FBXL7: variants seen among roughly 807,000 people sequenced by gnomAD.
FBXL7 encodes the protein F-box and leucine rich repeat protein 7.
FBXL7 carries 12 observed loss-of-function variants against 38.3 expected under a neutral mutation model. The ratio of observed to expected loss-of-function variants is 0.31; its 90% CI spans 0.20 to 0.51. The LOEUF (loss-of-function observed/expected upper bound fraction) is 0.51. Among genes scored for constraint, FBXL7 ranks in the 20% least tolerant of loss-of-function variants. The pLI is 0.98. For synonymous variants in FBXL7, 297 were observed against 300.9 expected (o/e 0.99, Z 0.13); for missense variants, 567 against 676.4 (o/e 0.84, Z 1.79).
At chr5:15,646,192 T>C (rs1741529059) in intron 2 of FBXL7, among the ~76,000 whole-genome samples, 2 of 152,184 alleles carry the variant, frequency 1.3e-5, no homozygotes, top group Non-Finnish European at 1.5e-5. Flanking sequence ...AGAATAAAAA[T>C]TATAATAATA....
At chr5:15,537,912 C>T (rs1016710278) in intron 1 of FBXL7, among the ~76,000 whole-genome samples, 15 of 152,138 alleles carry the variant, frequency 9.9e-5, no homozygotes, top group African/African-American at 3.6e-4. Flanking sequence ...TAGTGGCCAG[C>T]TAGAGAAAAG....
Position 15,758,015 on chromosome 5 carries a change from G to A in FBXL7, c.127+141943G>A, listed in dbSNP as rs547398784. On this transcript the variant is annotated intron_variant, in intron 2 of 3. Transcript: ENST00000504595. ...TGGCACGCGTTCACGGTGAAATTAC[G>A]ATAAAGATGAGGGAGATAACAGGTA... Among the ~76,000 whole-genome samples the A allele has an allele frequency of 5.1e-4, 78 of 151,934 alleles. 1 individual carries two copies. The highest frequency in any genetic ancestry group is 1.8e-3 in the African/African-American group (75 of 41,426).
chr5:15,573,878 G>A (rs961854730), intron 1 of FBXL7, among the ~76,000 whole-genome samples: 3 of 152,086 alleles, frequency 2.0e-5, no homozygotes, highest in Non-Finnish European at 4.4e-5. Context: ...TACCACTTCC[G>A]TCAGCAACCC....
chr5:15,783,101 A>G (rs1048599990), intron 2 of FBXL7, among the ~76,000 whole-genome samples: 2 of 152,132 alleles, frequency 1.3e-5, no homozygotes, highest in African/African-American at 4.8e-5. Context: ...AGAAGAGAGA[A>G]GCAACGAAGT....
chr5:15,913,546 C>T (rs1741500391), intron 2 of FBXL7, among the ~76,000 whole-genome samples: 1 of 152,102 alleles, frequency 6.6e-6, no homozygotes, highest in East Asian at 1.9e-4. Context: ...TTGTTTTCTG[C>T]TGTGAACTGA....
chr5:15,848,209 A>G (rs1738974803), intron 2 of FBXL7, among the ~76,000 whole-genome samples: 1 of 140,554 alleles, frequency 7.1e-6, no homozygotes, highest in African/African-American at 2.5e-5. Flanking sequence ...TTGAATAATT[A>G]TTTATAATAA....
intron 2 of FBXL7, among the ~76,000 whole-genome samples, chr5:15,888,196 CTTTATTTATTTA>C (rs3034529): frequency 0.41 from 59,226 of 145,204 alleles, 12,481 homozygotes; most frequent in East Asian, 0.57. Context: ...GTAAACACCA[CTTTATTTATTTA>C]TTTATTTATT....
At chr5:15,503,564 T>C (rs1736559810) in intron 1 of FBXL7, among the ~76,000 whole-genome samples, 3 of 152,248 alleles carry the variant, frequency 2.0e-5, no homozygotes, top group Non-Finnish European at 4.4e-5. Flanking sequence ...AATCTTGCTG[T>C]TTTCTGTACC....
chr5:15,927,222 C>T (rs1462059792), intron 2 of FBXL7, among the ~76,000 whole-genome samples: 1 of 152,086 alleles, frequency 6.6e-6, no homozygotes, highest in African/African-American at 2.4e-5. Context: ...TTTGTGGTAG[C>T]TTTTGCACAA....
intron 1 of FBXL7, among the ~76,000 whole-genome samples, chr5:15,604,077 A>G (rs1210403987): frequency 1.3e-5 from 2 of 152,280 alleles, no homozygotes; most frequent in Non-Finnish European, 2.9e-5. Context: ...CAGAGGTTGC[A>G]GTAAGCTGAG....
intron 2 of FBXL7, among the ~76,000 whole-genome samples, chr5:15,870,645 T>C (rs1739914664): frequency 1.3e-5 from 2 of 152,210 alleles, no homozygotes; most frequent in South Asian, 2.1e-4. Flanking sequence ...ATTTTTATTA[T>C]GTAGTTATAT....
At position 15,936,413 on chromosome 5, in the gene FBXL7, A is replaced by C; in HGVS notation, c.740-37A>C. 6.3e-7 allele frequency: 1 copy of C among 1,588,844 alleles called. No homozygotes were observed. ...CCCCAGGCGTGGCTCCCCTGCTGGC[A>C]GGTTGCTCTGAGCCTGTGTTCTGTC... On this transcript the variant is annotated intron_variant, in intron 3 of 3. Transcript: ENST00000504595. This position sits in a 1 kb window ranked among gnomAD's most constrained non-coding sequence, Gnocchi z 6.0.
intron 1 of FBXL7, among the ~76,000 whole-genome samples, chr5:15,522,040 A>C (rs1250018269): frequency 6.6e-6 from 1 of 152,262 alleles, no homozygotes; most frequent in African/African-American, 2.4e-5. Flanking sequence ...CTCTGGGGCA[A>C]GTGCCATGTA....
intron 2 of FBXL7, among the ~76,000 whole-genome samples, chr5:15,692,088 G>T (rs1420997599): frequency 6.6e-6 from 1 of 152,176 alleles, no homozygotes; most frequent in Non-Finnish European, 1.5e-5. Context: ...CCAGAGAATG[G>T]AAGTGAGAGC....
At chr5:15,552,597 C>T (rs1010797279) in intron 1 of FBXL7, among the ~76,000 whole-genome samples, 2 of 152,292 alleles carry the variant, frequency 1.3e-5, no homozygotes, top group African/African-American at 4.8e-5. Context: ...ATATTTTTCT[C>T]CTCTGTATCT....
chr5:15,685,448 A>G (rs543733068), intron 2 of FBXL7, among the ~76,000 whole-genome samples: 2 of 152,320 alleles, frequency 1.3e-5, no homozygotes, highest in East Asian at 3.9e-4. Flanking sequence ...CACAGAGGAA[A>G]GAGTTTTACC....
At chr5:15,738,274 G>A (rs533191538) in intron 2 of FBXL7, among the ~76,000 whole-genome samples, 2 of 152,248 alleles carry the variant, frequency 1.3e-5, no homozygotes, top group Admixed American at 6.5e-5. Context: ...CTTATGATGA[G>A]AAGTAAAATA....
At chr5:15,742,755 A>G (rs554596606) in intron 2 of FBXL7, among the ~76,000 whole-genome samples, 5 of 152,198 alleles carry the variant, frequency 3.3e-5, no homozygotes, top group Non-Finnish European at 5.9e-5. Flanking sequence ...CCACACTGCT[A>G]ATAAAGACAT....
At chr5:15,524,272 G>A (rs1268776230) in intron 1 of FBXL7, among the ~76,000 whole-genome samples, 1 of 152,030 alleles carries the variant, frequency 6.6e-6, no homozygotes, top group African/African-American at 2.4e-5. Context: ...CCTACTCAAA[G>A]AACAAAACTT....
Sources: allele counts gnomAD v4.1 joint callset (sites outside exome capture counted in the v4.1 genomes callset), GRCh38; gene constraint gnomAD v4.1.1; non-coding constraint Gnocchi (gnomAD v3.1); transcripts MANE v1.5; gene names NCBI Gene and HGNC (gene_info 2026-07-23, HGNC 2026-07-21).